The following AHDC1 variants were observed in gnomAD, a reference collection of about 807,000 sequenced individuals.
AHDC1 encodes AT-hook DNA binding motif containing 1.
A neutral mutation model predicts 87.9 loss-of-function variants in AHDC1; 7 were observed. The ratio of observed to expected loss-of-function variants is 0.08; its 90% CI spans 0.05 to 0.15. The LOEUF is 0.15. Ranked by LOEUF, AHDC1 falls within the 10% of genes least tolerant of loss-of-function variation. The probability of loss-of-function intolerance (pLI) is 1.00; values close to 1 mark genes in which losing one functional copy is unlikely to be tolerated. For missense variants in AHDC1, 1,841 were observed against 2,253.2 expected, an observed-to-expected ratio of 0.82 and a Z score of 3.70; for synonymous variants, 1,051 against 1,006.8, an observed-to-expected ratio of 1.04 and a Z score of -0.83.
At position 27,548,430 on chromosome 1, in the gene AHDC1, G is replaced by A. The variant is rs1338673072; in HGVS notation, c.3686C>T (p.Ser1229Phe). The A allele has an allele frequency of 6.2e-7, 1 of 1,612,962 alleles. No homozygotes were observed. The highest frequency in any genetic ancestry group is 1.7e-5 in the Admixed American group (1 of 60,014). The change falls in exon 8 of 9, where the codon TCC becomes TTC. Residue 1229 changes from serine (S) to phenylalanine (F), a missense_variant. Transcript: ENST00000673934. ...WNQSVLFQSS[S>F]KPGRGRRKKV... ...CTTCCGCCGTCCACGGCCCGGCTTG[G>A]AGCTACTCTGAAAGAGGACACTCTG...
Position 27,549,852 on chromosome 1 carries a change from A to G in AHDC1, c.2264T>C (p.Val755Ala). 2 of 1,613,102 alleles carry G rather than the reference A, an allele frequency of 1.2e-6. No homozygotes were observed. The highest frequency in any genetic ancestry group is 2.2e-5 in the South Asian group (2 of 91,030). ...CTCCCCAAAGCCTGGGCCACTGGGC[A>G]CCTGCTCTGGGAACAGAGTCCCATT... ...RKNGTLFPEQ[V>A]PSGPGFGEAG... is the part of the protein sequence containing the mutation. The change falls in exon 8 of 9, where the codon GTG becomes GCG. Residue 755 changes from valine (V) to alanine (A), a missense_variant. Around this residue, in one of 13 missense-constraint regions of AHDC1, gnomAD observed 236 missense variants for 257.9 expected, o/e 0.92. Transcript: ENST00000673934.
chr1:27,557,921 A>T (rs572527352), intron 5 of AHDC1, among the ~76,000 whole-genome samples: 107 of 152,292 alleles, frequency 7.0e-4, no homozygotes, highest in African/African-American at 2.4e-3. Flanking sequence ...ACCTGCTTGC[A>T]CACAAGCTTG....
intron 8 of AHDC1, among the ~76,000 whole-genome samples, chr1:27,543,989 T>C (rs2019052923): frequency 6.6e-6 from 1 of 151,158 alleles, no homozygotes; most frequent in Non-Finnish European, 1.5e-5. Flanking sequence ...ATCCAACCTA[T>C]CCTTTTGCAG....
intron 3 of AHDC1, among the ~76,000 whole-genome samples, chr1:27,602,477 G>C (rs1427395569): frequency 6.6e-6 from 1 of 152,108 alleles, no homozygotes; most frequent in Non-Finnish European, 1.5e-5. Context: ...CCCTTTTCCT[G>C]TAGAACAGGA....
At chr1:27,537,010 G>A (rs1338112026) in intron 8 of AHDC1, among the ~76,000 whole-genome samples, 2 of 152,152 alleles carry the variant, frequency 1.3e-5, no homozygotes. Context: ...CTGCTAAGCC[G>A]CCCATCGCGT....
In AHDC1 at chr1:27,548,721, A is replaced by C; in HGVS notation, c.3395T>G (p.Phe1132Cys). The change falls in exon 8 of 9, where the codon TTT becomes TGT. Residue 1132 changes from phenylalanine to cysteine, a missense_variant. Phe to Cys is a radical substitution (Grantham distance 205). Transcript: ENST00000673934. ...GTTGGGCTCGCTGACGTGGCAGTCA[A>C]AACTGGGATTGTAGAGCTGACTAAA... ...EAFSQLYNPS[F>C]DCHVSEPNVI... is the part of the protein sequence containing the mutation. 1.2e-6 allele frequency: 2 copies of C among 1,613,324 alleles called. No homozygotes were observed. The highest frequency in any genetic ancestry group is 1.7e-6 in the Non-Finnish European group (2 of 1,180,044).
chr1:27,569,016 A>G (rs1333221500), intron 3 of AHDC1, among the ~76,000 whole-genome samples: 1 of 152,004 alleles, frequency 6.6e-6, no homozygotes, highest in African/African-American at 2.4e-5. Context: ...ATCGGCCGTA[A>G]GAAGAGCCCT....
intron 3 of AHDC1, among the ~76,000 whole-genome samples, chr1:27,564,140 A>C (rs2020218861): frequency 6.6e-6 from 1 of 152,028 alleles, no homozygotes; most frequent in Non-Finnish European, 1.5e-5. Context: ...AAGTCCAGGA[A>C]CATGACTCAC....
chr1:27,584,523 C>G (rs750352050), intron 3 of AHDC1, among the ~76,000 whole-genome samples: 11 of 152,200 alleles, frequency 7.2e-5, no homozygotes, highest in Non-Finnish European at 1.2e-4. Flanking sequence ...ATGTTTTTCT[C>G]TTATTGTTTT....
At position 27,595,701 on chromosome 1, in the gene AHDC1, G is replaced by A. The variant is rs751827779; in HGVS notation, c.-629+7696C>T. 2.8e-4 allele frequency among the ~76,000 whole-genome samples: 42 copies of A among 152,026 alleles called. No homozygotes were observed. Among genetic ancestry groups the A allele is most frequent in the South Asian group, 1.7e-3 (8 of 4,818 alleles). On this transcript the variant is annotated intron_variant, in intron 3 of 8. Coordinates refer to ENST00000673934, the MANE Select transcript of AHDC1 (RefSeq NM_001371928.1). The surrounding 1 kb of genome is among the most constrained non-coding windows in gnomAD (Gnocchi z 4.0). ...TTAGAGACCTGAGGTCCCTCCATAC[G>A]TGGGAAGGGAAGAATGGGTCTCTGA...
Position 27,550,804 on chromosome 1 carries a change from G to T in AHDC1, c.1312C>A (p.Pro438Thr), listed in dbSNP as rs766547752. 2 of 1,566,576 alleles carry T rather than the reference G, an allele frequency of 1.3e-6. No homozygotes were observed. Among genetic ancestry groups the T allele is most frequent in the South Asian group, 1.2e-5 (1 of 86,568 alleles). The stretch of plus-strand genomic sequence containing the variant: ...ACCGGGCCTGGGCCTGGCAGGGCAG[G>T]GGGTGGAGGAGGCGGTGGTGGTGGG... ...EPPPPPPPPP[P>T]ALPGPGPVSV... Residue 438 changes from proline to threonine, a missense_variant, in exon 8 of 9, where the codon CCT (proline) becomes ACT (threonine). Pro to Thr is a conservative substitution (Grantham distance 38). Transcript: ENST00000673934.
intron 3 of AHDC1, among the ~76,000 whole-genome samples, chr1:27,571,501 C>T (rs752383884): frequency 2.6e-5 from 4 of 151,998 alleles, no homozygotes; most frequent in Non-Finnish European, 5.9e-5. Context: ...TTCCTGGAGG[C>T]CCCCTCGGCC....
chr1:27,544,910 G>A (rs1281248289), intron 8 of AHDC1, among the ~76,000 whole-genome samples: 2 of 152,166 alleles, frequency 1.3e-5, no homozygotes, highest in Non-Finnish European at 1.5e-5. Context: ...ATGAAATTCA[G>A]ACTCCTTCTA....
chr1:27,601,272 G>C (rs1245422406), intron 3 of AHDC1, among the ~76,000 whole-genome samples: 1 of 152,260 alleles, frequency 6.6e-6, no homozygotes, highest in Non-Finnish European at 1.5e-5. Context: ...AGGCGGAGGA[G>C]AGCGCCCACC....
Position 27,586,312 on chromosome 1 carries a change from A to AGGAGAGGACCCCTGGT in AHDC1, c.-629+17069_-629+17084dup, listed in dbSNP as rs575480539. Among the ~76,000 whole-genome samples the AGGAGAGGACCCCTGGT allele has an allele frequency of 1.4e-3, 220 of 151,984 alleles. 1 individual carries two copies. Among genetic ancestry groups the AGGAGAGGACCCCTGGT allele is most frequent in the South Asian group, 0.014 (65 of 4,812 alleles). On this transcript the variant is annotated intron_variant, in intron 3 of 8. Transcript: ENST00000673934. ...AAGGAGGAGCCACAGGTGAGATGGG[A>AGGAGAGGACCCCTGGT]GGAGAGGACCCCTGGTGGAGAGGAC...
intron 8 of AHDC1, among the ~76,000 whole-genome samples, chr1:27,538,400 C>CAAAAAAAA (rs370786800): frequency 4.9e-5 from 3 of 60,726 alleles, no homozygotes; most frequent in Non-Finnish European, 1.1e-4. Context: ...AAGACTGTCT[C>CAAAAAAAA]AAAAAAAAAA....
chr1:27,548,618 T>C lies in AHDC1; in HGVS notation c.3498A>G (p.Ser1166=). The change falls in exon 8 of 9, where the codon TCA becomes TCG. Residue 1166 remains serine, a synonymous_variant. Transcript: ENST00000673934. ...GATTGAACTGGGTGCTGTCGGAGGATGACTCAGAGAAGGTCTCCGACACAG... is the reference window on the plus strand; with the variant it reads ...GATTGAACTGGGTGCTGTCGGAGGACGACTCAGAGAAGGTCTCCGACACAG... ...QTAVSETFSE[S]SSDSTQFNQP... 1 of 1,613,542 alleles carries C rather than the reference T, an allele frequency of 6.2e-7. No individual in the cohort carries two copies. Among genetic ancestry groups the C allele is most frequent in the Non-Finnish European group, 8.5e-7 (1 of 1,180,036 alleles).
chr1:27,556,670 A>AT (rs2148322914), intron 5 of AHDC1, among the ~76,000 whole-genome samples: 1 of 152,250 alleles, frequency 6.6e-6, no homozygotes, highest in African/African-American at 2.4e-5. Context: ...AGGTTAAGTT[A>AT]TGCCCTTAAG....
chr1:27,548,345 G>GGCA lies in AHDC1; in HGVS notation c.3768_3770dup (p.Ala1257dup). The GGCA allele has an allele frequency of 6.2e-7, 1 of 1,606,534 alleles. No homozygotes were observed. Among genetic ancestry groups the GGCA allele is most frequent in the Non-Finnish European group, 8.5e-7 (1 of 1,174,758 alleles). Reference sequence around the variant, plus strand: ...TGCTCCGTTTGGATGGGTAGCCTGAGGCAGCGGCAGAGGCGGATGTCGGGA... The same window carrying GGCA: ...TGCTCCGTTTGGATGGGTAGCCTGAGGCAGCAGCGGCAGAGGCGGATGTCGGGA... On this transcript the variant is annotated inframe_insertion, in exon 8 of 9. Transcript: ENST00000673934.
Sources: allele counts gnomAD v4.1 joint callset (sites outside exome capture counted in the v4.1 genomes callset), GRCh38; gene constraint gnomAD v4.1.1; regional missense constraint gnomAD v4.1.1; non-coding constraint Gnocchi (gnomAD v3.1); transcripts MANE v1.5; gene names NCBI Gene and HGNC (gene_info 2026-07-23, HGNC 2026-07-21).